Variants in P3H2 observed in about 807,000 individuals in gnomAD.
The protein encoded by P3H2 is leprecan-like 1.
P3H2 carries 80 observed loss-of-function variants against 87.0 expected under a neutral mutation model. The observed-to-expected ratio is 0.92, with a 90% CI of 0.77 to 1.11. The LOEUF (loss-of-function observed/expected upper bound fraction) is 1.11. Ranked by LOEUF, P3H2 falls within the 50% of genes least tolerant of loss-of-function variation. The pLI, the probability that P3H2 is intolerant of heterozygous loss-of-function variation, is 0.00. For synonymous variants in P3H2, 367 were observed against 359.3 expected (o/e 1.02, Z -0.24); for missense variants, 1,001 against 923.9 (o/e 1.08, Z -1.08).
chr3:189,991,944 G>A (rs757344222), intron 3 of P3H2, among the ~76,000 whole-genome samples: 6 of 152,162 alleles, frequency 3.9e-5, no homozygotes, highest in Non-Finnish European at 5.9e-5. Context: ...TAGCAAAAGG[G>A]GTGGAGGGAG....
intron 1 of P3H2, among the ~76,000 whole-genome samples, chr3:190,087,942 A>C (rs1474570924): frequency 6.6e-6 from 1 of 152,222 alleles, no homozygotes; most frequent in African/African-American, 2.4e-5. Flanking sequence ...GAATTGGTCC[A>C]AGTGTTCAAC....
At chr3:189,963,194 C>T (rs528403058) in intron 14 of P3H2, among the ~76,000 whole-genome samples, 62 of 152,286 alleles carry the variant, frequency 4.1e-4, no homozygotes, top group Admixed American at 4.6e-4. Flanking sequence ...CATCTGCCCA[C>T]GGGCTTCCAA....
chr3:190,094,249 T>G (rs910492638), intron 1 of P3H2, among the ~76,000 whole-genome samples: 1 of 152,256 alleles, frequency 6.6e-6, no homozygotes, highest in African/African-American at 2.4e-5. Context: ...CAAGTCCTCA[T>G]GACAACATCC....
chr3:189,974,161 A>G (rs1723274787), intron 9 of P3H2, 157 bp from the exon 10 acceptor site: 2 of 658,016 alleles, frequency 3.0e-6, no homozygotes, highest in African/African-American at 1.8e-5. Context: ...TTTTAATTAA[A>G]AGAGATATCT....
chr3:190,056,340 A>T (rs1726153756), intron 1 of P3H2, among the ~76,000 whole-genome samples: 1 of 152,160 alleles, frequency 6.6e-6, no homozygotes, highest in African/African-American at 2.4e-5. Flanking sequence ...GATAGAGACC[A>T]CAGGCAGTTC....
chr3:190,014,608 A>G (rs1006899903), intron 1 of P3H2, among the ~76,000 whole-genome samples: 3 of 152,150 alleles, frequency 2.0e-5, no homozygotes, highest in Non-Finnish European at 4.4e-5. Flanking sequence ...TTTCATTCAC[A>G]TTGTGGTTGT....
intron 3 of P3H2, among the ~76,000 whole-genome samples, chr3:189,991,605 G>C (rs537633438): frequency 2.0e-5 from 3 of 152,198 alleles, no homozygotes; most frequent in Non-Finnish European, 4.4e-5. Context: ...ACAGGACAAG[G>C]CTTTAGCCGA....
intron 8 of P3H2, among the ~76,000 whole-genome samples, chr3:189,982,469 C>T (rs1332703552): frequency 6.6e-6 from 1 of 152,188 alleles, no homozygotes; most frequent in Admixed American, 6.5e-5. Flanking sequence ...TAATTTTCAT[C>T]TTACATAAGT....
chr3:189,972,059 A>C, intron 11 of P3H2, 52 bp from the exon 12 acceptor site: 1 of 1,046,154 alleles, frequency 9.6e-7, no homozygotes, highest in South Asian at 1.3e-5. Context: ...AGCAACTTCC[A>C]CCAAAGTAAC....
intron 8 of P3H2, among the ~76,000 whole-genome samples, chr3:189,980,762 G>A (rs1723508691): frequency 6.6e-6 from 1 of 151,886 alleles, no homozygotes; most frequent in African/African-American, 2.4e-5. Context: ...ATTTCCCAAG[G>A]GATAAGAGTG....
intron 1 of P3H2, among the ~76,000 whole-genome samples, chr3:190,074,658 A>G (rs2108975246): frequency 6.6e-6 from 1 of 152,316 alleles, no homozygotes; most frequent in Admixed American, 6.5e-5. Flanking sequence ...ATCTCATTAT[A>G]ACCAGAGGGG....
At chr3:190,068,884 T>C (rs754243129) in intron 1 of P3H2, among the ~76,000 whole-genome samples, 37 of 152,258 alleles carry the variant, frequency 2.4e-4, no homozygotes, top group Middle Eastern at 3.4e-3. Context: ...TATAAGACTT[T>C]TACAAAAAAA....
intron 1 of P3H2, among the ~76,000 whole-genome samples, chr3:190,116,382 T>C (rs183108169): frequency 6.6e-6 from 1 of 152,330 alleles, no homozygotes; most frequent in Admixed American, 6.5e-5. Flanking sequence ...GGCCCCATTA[T>C]TTCCCCATTT....
chr3:190,110,297 G>A (rs185773958), intron 1 of P3H2, among the ~76,000 whole-genome samples: 1 of 152,136 alleles, frequency 6.6e-6, no homozygotes, highest in Non-Finnish European at 1.5e-5. Context: ...TGATATAACA[G>A]GTAAAGGCCA....
chr3:189,968,275 T>C (rs1317014301), intron 13 of P3H2, among the ~76,000 whole-genome samples: 2 of 152,106 alleles, frequency 1.3e-5, no homozygotes, highest in African/African-American at 2.4e-5. Flanking sequence ...GGCCCTGGTG[T>C]GTGATGTTAC....
chr3:190,008,447 A>T (rs1724463910), intron 1 of P3H2, among the ~76,000 whole-genome samples: 1 of 152,208 alleles, frequency 6.6e-6, no homozygotes, highest in Non-Finnish European at 1.5e-5. Context: ...GATTGTGTTT[A>T]AATGAAGAGA....
Position 189,957,757 on chromosome 3 carries a change from A to G in P3H2, c.*155T>C. ...CCCAAAACAAGAAAGATAGATTGAT[A>G]GATTGAGGCAACACAAGCATCCTTA... On this transcript the variant is annotated 3_prime_UTR_variant, in exon 15 of 15. Transcript: ENST00000319332. The G allele has an allele frequency of 1.6e-6, 1 of 642,378 alleles. No individual in the cohort carries two copies. Among genetic ancestry groups the G allele is most frequent in the Non-Finnish European group, 2.7e-6 (1 of 364,488 alleles). The allele number at this position is 642,378 out of a possible 1,614,324, so 39.8% of individuals were successfully genotyped here.
chr3:189,975,067 G>A (rs556345111), intron 8 of P3H2, among the ~76,000 whole-genome samples: 2 of 152,126 alleles, frequency 1.3e-5, no homozygotes, highest in Non-Finnish European at 2.9e-5. Context: ...CAGATTGCAT[G>A]TTTGGGTCCC....
At chr3:189,997,400 T>C (rs1724084557) in intron 1 of P3H2, among the ~76,000 whole-genome samples, 1 of 152,256 alleles carries the variant, frequency 6.6e-6, no homozygotes, top group Admixed American at 6.5e-5. Context: ...CAATCCATTT[T>C]AGTGTGAAGA....
Sources: gnomAD v4.1 joint callset for allele counts (sites outside exome capture counted in the v4.1 genomes callset) on GRCh38, gnomAD v4.1.1 for gene constraint, MANE v1.5 for transcripts, NCBI Gene and HGNC (gene_info 2026-07-23, HGNC 2026-07-21) for gene names.